Variants in ATP4A observed in about 807,000 individuals in gnomAD.
The protein encoded by ATP4A is ATPase H+/K+ transporting subunit alpha, also known as potassium-transporting ATPase alpha chain 1.
Under a neutral mutation model 112.1 loss-of-function variants are expected in ATP4A, and 73 were observed. The ratio of observed to expected loss-of-function variants is 0.65; its 90% CI spans 0.54 to 0.79. The LOEUF is 0.79. Among genes scored for constraint, ATP4A ranks in the 30% least tolerant of loss-of-function variants. The probability of loss-of-function intolerance (pLI) is 0.00; values close to 1 mark genes in which losing one functional copy is unlikely to be tolerated. For synonymous variants in ATP4A, 588 were observed against 588.9 expected (o/e 1.00, Z 0.02); for missense variants, 1,081 against 1,425.9 (o/e 0.76, Z 3.90).
chr19:35,559,991 G>C lies in ATP4A; in HGVS notation c.870C>G (p.Asn290Lys). The C allele has an allele frequency of 6.2e-7, 1 of 1,614,228 alleles. No individual in the cohort carries two copies. The highest frequency in any genetic ancestry group is 1.6e-4 in the Middle Eastern group (1 of 6,062). Residue 290 changes from asparagine to lysine, a missense_variant, in exon 7 of 22, where the codon AAC becomes AAG. Coordinates refer to ENST00000262623, the MANE Select transcript of ATP4A (RefSeq NM_000704.3). The surrounding 1 kb of genome is among the most constrained non-coding windows in gnomAD (Gnocchi z 4.1). ...TCTCGATAGCGATGGGTGTCTTCTC[G>C]TTTTCCACCCCCGACGCCAGCGATG... ...RIASLASGVE[N>K]EKTPIAIEIE... is the part of the protein sequence containing the mutation.
chr19:35,551,203 G>T lies in ATP4A; in HGVS notation c.2886-92C>A. The T allele has an allele frequency of 7.5e-7, 1 of 1,329,286 alleles. No homozygotes were observed. The highest frequency in any genetic ancestry group is 1.1e-6 in the Non-Finnish European group (1 of 950,780). The allele number at this position is 1,329,286 out of a possible 1,614,324, so 82.3% of individuals were successfully genotyped here. ...GGTCAAAGTAGGTCAGATGTCAGCA[G>T]CAGCAGGGAGGTGTTCTACACACTG... On this transcript the variant is annotated intron_variant, in intron 19 of 21. Coordinates refer to ENST00000262623, the MANE Select transcript of ATP4A (RefSeq NM_000704.3). This position sits in a 1 kb window ranked among gnomAD's most constrained non-coding sequence, Gnocchi z 5.2.
At position 35,551,857 on chromosome 19, in the gene ATP4A, G is replaced by T. The variant is rs911447888; in HGVS notation, c.2752-277C>A. ...GGCCGACTGCTTTCATAGTGAAAGG[G>T]GGGAGGCACCCAAAAGAAAGGGCCT... On this transcript the variant is annotated intron_variant, in intron 18 of 21. Coordinates refer to ENST00000262623, the MANE Select transcript of ATP4A (RefSeq NM_000704.3). The surrounding 1 kb of genome is among the most constrained non-coding windows in gnomAD (Gnocchi z 5.2). Among the ~76,000 whole-genome samples the T allele has an allele frequency of 5.9e-5, 9 of 152,142 alleles. No individual in the cohort carries two copies. Among genetic ancestry groups the T allele is most frequent in the Non-Finnish European group, 1.3e-4 (9 of 68,028 alleles).
intron 4 of ATP4A, 46 bp downstream of exon 4, chr19:35,562,389 T>G (rs1213255646): frequency 6.3e-7 from 1 of 1,585,354 alleles, no homozygotes; most frequent in South Asian, 1.2e-5. Flanking sequence ...GTGTCTTCCA[T>G]CCCCAGGTCC....
intron 3 of ATP4A, 146 bp downstream of exon 3, chr19:35,563,063 T>C: frequency 1.2e-6 from 1 of 848,846 alleles, no homozygotes; most frequent in Non-Finnish European, 1.8e-6. Flanking sequence ...TCTTTCCTTT[T>C]CTGCCTCCCT....
intron 16 of ATP4A, 66 bp from the exon 17 acceptor site, chr19:35,553,895 TC>T: frequency 6.6e-7 from 1 of 1,516,406 alleles, no homozygotes; most frequent in Non-Finnish European, 8.9e-7. Context: ...CCACTTCGGG[TC>T]CCCCTTCCCC....
chr19:35,553,266 G>T, intron 17 of ATP4A, 84 bp from the exon 18 acceptor site: 1 of 1,471,766 alleles, frequency 6.8e-7, no homozygotes, highest in Non-Finnish European at 9.2e-7. Flanking sequence ...GAGAGACAGG[G>T]ACACAGATAC....
At chr19:35,561,529 G>T (rs750452528) in intron 4 of ATP4A, among the ~76,000 whole-genome samples, 1 of 151,848 alleles carries the variant, frequency 6.6e-6, no homozygotes, top group Non-Finnish European at 1.5e-5. Flanking sequence ...TGTCTCCCAT[G>T]TCTGTGTATC....
rs1289456944 is a variant in ATP4A, at chr19:35,558,388, G to T, written c.1474C>A (p.Pro492Thr). Residue 492 changes from proline (P) to threonine (T), a missense_variant, in exon 10 of 22, where the codon CCC becomes ACC. Coordinates refer to ENST00000262623, the MANE Select transcript of ATP4A (RefSeq NM_000704.3). This position sits in a 1 kb window ranked among gnomAD's most constrained non-coding sequence, Gnocchi z 5.1. ...TGGAACTTGTTGGTGGAGTTGAAGG[G>T]TATCTCGCAGACTTTTGGGAAGCGG... is the stretch of plus-strand genomic sequence containing the variant. The part of the protein sequence containing the change: ...RDRFPKVCEI[P>T]FNSTNKFQLS... 1.9e-6 allele frequency: 3 copies of T among 1,611,808 alleles called. No individual in the cohort carries two copies. The highest frequency in any genetic ancestry group is 2.5e-6 in the Non-Finnish European group (3 of 1,179,132).
Position 35,560,714 on chromosome 19 carries a change from G to A in ATP4A, c.535-99C>T, listed in dbSNP as rs2071665602. The A allele has an allele frequency of 6.3e-7, 1 of 1,583,854 alleles. No individual in the cohort carries two copies. The highest frequency in any genetic ancestry group is 8.7e-7 in the Non-Finnish European group (1 of 1,156,002). On this transcript the variant is annotated intron_variant, in intron 5 of 21. Transcript: ENST00000262623. This position sits in a 1 kb window ranked among gnomAD's most constrained non-coding sequence, Gnocchi z 5.1. ...GATGAGGAGAGCTGGGACCCATGGG[G>A]AGAGATGGAGGCCACAGATGAGGGA...
rs767799633 is a variant in ATP4A at position 35,563,438 on chromosome 19, G to A, written c.102C>T (p.Gly34=). The A allele has an allele frequency of 2.2e-5, 27 of 1,212,424 alleles. No homozygotes were observed. Among genetic ancestry groups the A allele is most frequent in the East Asian group, 9.3e-5 (2 of 21,610 alleles). 75.1% of individuals were successfully genotyped at this position (1,212,424 alleles called of 1,614,324 possible). A position where few individuals can be genotyped will look rare whatever the true frequency, so the allele number is the denominator to read the frequency against. ...GCTTCTCCTTCCTCTTGCCACCCCC[G>A]CCACCCGCCTTCTTCTTCTTGCTCA... ...AKMSKKKKAG[G]GGGKRKEKLE... is the part of the protein sequence containing the mutation. Residue 34 remains glycine, a synonymous_variant, in exon 2 of 22, where the codon GGC becomes GGT. Coordinates refer to ENST00000262623, the MANE Select transcript of ATP4A (RefSeq NM_000704.3).
In ATP4A at chr19:35,560,876, G is replaced by C. The variant is rs780776159; in HGVS notation, c.477C>G (p.Tyr159Ter). 2 of 1,613,934 alleles carry C rather than the reference G, an allele frequency of 1.2e-6. No homozygotes were observed. The highest frequency in any genetic ancestry group is 1.7e-6 in the Non-Finnish European group (2 of 1,179,980). The change falls in exon 5 of 22, where the codon TAC (tyrosine) becomes TAG (stop). Residue 159 changes from tyrosine (Y) to a stop codon, truncating the protein, a stop_gained. Coordinates refer to ENST00000262623, the MANE Select transcript of ATP4A (RefSeq NM_000704.3). LOFTEE classifies it high-confidence loss of function. This position sits in a 1 kb window ranked among gnomAD's most constrained non-coding sequence, Gnocchi z 5.1. ...TGTTGGTGCTCTTGAATTCCTGGTA[G>C]TAGCCAAAGCAGCCGGTGACGACAA... ...AVVVVTGCFG[Y>*]YQEFKSTNII...
chr19:35,559,252 G>C lies in ATP4A; in HGVS notation c.1057-61C>G, dbSNP rs896542367. The C allele has an allele frequency of 6.4e-6, 10 of 1,563,826 alleles. No homozygotes were observed. The highest frequency in any genetic ancestry group is 3.4e-4 in the Middle Eastern group (2 of 5,924). ...ACCCTGGCTTCCAGTCCTCTTCCCC[G>C]CGTCAAAGAACGGGGAAGGCTTTAC... On this transcript the variant is annotated intron_variant, in intron 7 of 21. Transcript: ENST00000262623. The surrounding 1 kb of genome is among the most constrained non-coding windows in gnomAD (Gnocchi z 4.1).
Position 35,551,240 on chromosome 19 carries a change from G to T in ATP4A, c.2886-129C>A, listed in dbSNP as rs1366537352. 2 of 1,181,686 alleles carry T rather than the reference G, an allele frequency of 1.7e-6. No homozygotes were observed. The highest frequency in any genetic ancestry group is 1.5e-5 in the African/African-American group (1 of 65,782). 73.2% of individuals were successfully genotyped at this position (1,181,686 alleles called of 1,614,324 possible). ...TGTTCTACACACTGAACACTGGAGT[G>T]GCCCGGGCCTCTCAGCACCACCCCT... On this transcript the variant is annotated intron_variant, in intron 19 of 21. Transcript: ENST00000262623. This position sits in a 1 kb window ranked among gnomAD's most constrained non-coding sequence, Gnocchi z 5.2.
rs746098310 is a variant in ATP4A at position 35,555,786 on chromosome 19, G to A, written c.1896C>T (p.Pro632=). 1 of 1,613,282 alleles carries A rather than the reference G, an allele frequency of 6.2e-7. No homozygotes were observed. The highest frequency in any genetic ancestry group is 8.5e-7 in the Non-Finnish European group (1 of 1,179,368). The part of the protein sequence containing the change: ...IRVIMVTGDH[P]ITAKAIAASV... Reference sequence around the variant, plus strand: ...TGGCTGCAATGGCCTTGGCGGTGATGGGGTGGTCACCCGTTACCATGATCA... The same window carrying A: ...TGGCTGCAATGGCCTTGGCGGTGATAGGGTGGTCACCCGTTACCATGATCA... The change falls in exon 13 of 22, where the codon CCC becomes CCT. Residue 632 remains proline, a synonymous_variant. Transcript: ENST00000262623. The surrounding 1 kb of genome is among the most constrained non-coding windows in gnomAD (Gnocchi z 6.6).
Position 35,559,001 on chromosome 19 carries a change from T to C in ATP4A, c.1247A>G (p.Asp416Gly), listed in dbSNP as rs201466490. Residue 416 changes from aspartate (D) to glycine (G), a missense_variant, in exon 8 of 22, where the codon GAC becomes GGC. Around this residue, in one of 3 missense-constraint regions of ATP4A, gnomAD observed 850 missense variants for 1,068.2 expected, o/e 0.80. Coordinates refer to ENST00000262623, the MANE Select transcript of ATP4A (RefSeq NM_000704.3). The surrounding 1 kb of genome is among the most constrained non-coding windows in gnomAD (Gnocchi z 4.1). Reference protein sequence around the residue: ...NHIHTADTTEDQSGQTFDQSS... With the variant: ...NHIHTADTTEGQSGQTFDQSS... The stretch of plus-strand genomic sequence containing the variant: ...CCCTCCCTCCCCCACACCTGACTGG[T>C]CTTCCGTGGTGTCAGCTGTGTGGAT... 5.0e-6 allele frequency: 8 copies of C among 1,614,012 alleles called. No individual in the cohort carries two copies. The highest frequency in any genetic ancestry group is 1.3e-5 in the African/African-American group (1 of 74,902).
rs2733743 is a variant in ATP4A at position 35,560,067 on chromosome 19, A to G, written c.794T>C (p.Val265Ala). ...FFSTMCLEGTVQGLVVNTGDR... is the reference protein window; with the variant it reads ...FFSTMCLEGTAQGLVVNTGDR... Reference sequence around the variant, plus strand: ...GCCCGTGTTCACCACCAGGCCCTGCACGGTGCCTGCAGGGGGGCCAAGGCG... The same window carrying G: ...GCCCGTGTTCACCACCAGGCCCTGCGCGGTGCCTGCAGGGGGGCCAAGGCG... Residue 265 changes from valine to alanine, a missense_variant, in exon 7 of 22, where the codon GTG becomes GCG. By Grantham distance (64) the Val-to-Ala change is moderately conservative. Transcript: ENST00000262623. This position sits in a 1 kb window ranked among gnomAD's most constrained non-coding sequence, Gnocchi z 5.1. 1,397,596 of 1,613,910 alleles carry G rather than the reference A, an allele frequency of 0.87. 614,705 individuals are homozygous for G. Among genetic ancestry groups the G allele is most frequent in the African/African-American group, 0.98 (73,186 of 75,058 alleles).
Position 35,550,745 on chromosome 19 carries a change from T to C in ATP4A, c.3079+89A>G, listed in dbSNP as rs535319850. On this transcript the variant is annotated intron_variant, in intron 21 of 21. Transcript: ENST00000262623. This position sits in a 1 kb window ranked among gnomAD's most constrained non-coding sequence, Gnocchi z 4.1. ...CTGGTTGCTATGGAGGGTCAAGGGC[T>C]TAGAGGCCAAGTGTTGAGGATCAAA... 6.2e-7 allele frequency: 1 copy of C among 1,608,240 alleles called. No individual in the cohort carries two copies. The highest frequency in any genetic ancestry group is 1.1e-5 in the South Asian group (1 of 90,924).
At position 35,563,284 on chromosome 19, in the gene ATP4A, G is replaced by A; in HGVS notation, c.157-16C>T. On this transcript the variant is annotated splice_polypyrimidine_tract_variant and intron_variant, in intron 2 of 21. Transcript: ENST00000262623. ...GGTGGTCGTTCTGTGTGGTGGGGTGGGGCAGGGTGCTTGCTCTGGGCTCTC... is the reference window on the plus strand; with the variant it reads ...GGTGGTCGTTCTGTGTGGTGGGGTGAGGCAGGGTGCTTGCTCTGGGCTCTC... The A allele has an allele frequency of 6.2e-7, 1 of 1,613,998 alleles. No homozygotes were observed.
chr19:35,557,961 C>A lies in ATP4A; in HGVS notation c.1501-114G>T. On this transcript the variant is annotated intron_variant, in intron 10 of 21. Transcript: ENST00000262623. This position sits in a 1 kb window ranked among gnomAD's most constrained non-coding sequence, Gnocchi z 4.4. ...CGGGGCCGAGAGCTCGGTGCGGGCT[C>A]TGAGAGCTGCGGGGAAGGGTGAAGG... 1.1e-6 allele frequency: 1 copy of A among 875,576 alleles called. No homozygotes were observed. The highest frequency in any genetic ancestry group is 1.8e-5 in the South Asian group (1 of 55,298). 54.2% of individuals were successfully genotyped at this position (875,576 alleles called of 1,614,324 possible).
Sources: gnomAD v4.1 joint callset for allele counts (sites outside exome capture counted in the v4.1 genomes callset) on GRCh38, gnomAD v4.1.1 for gene constraint, gnomAD v4.1.1 regional missense constraint, Gnocchi (gnomAD v3.1) non-coding constraint, MANE v1.5 for transcripts, NCBI Gene and HGNC (gene_info 2026-07-23, HGNC 2026-07-21) for gene names.